Variants in CECR2 observed in about 807,000 individuals in gnomAD.
CECR2 encodes the protein chromatin remodeling regulator CECR2.
A neutral mutation model predicts 154.5 loss-of-function variants in CECR2; 30 were observed. The observed-to-expected ratio is 0.19, with a 90% confidence interval of 0.15 to 0.26. The LOEUF is 0.26. Ranked by LOEUF, CECR2 falls within the 10% of genes least tolerant of loss-of-function variation. The pLI is 1.00. For missense variants in CECR2, 1,743 were observed against 1,829.3 expected (o/e 0.95, Z 0.86); for synonymous variants, 725 against 683.7 (o/e 1.06, Z -0.94).
At chr22:17,442,717 T>A (rs1243100693) in intron 1 of CECR2, among the ~76,000 whole-genome samples, 1 of 151,942 alleles carries the variant, frequency 6.6e-6, no homozygotes, top group South Asian at 2.1e-4. Flanking sequence ...CCTGGCTAAT[T>A]TTTGTATTTT....
intron 1 of CECR2, chr22:17,424,299 G>C (rs1196893380): frequency 1.3e-5 from 2 of 154,684 alleles, no homozygotes; most frequent in Admixed American, 6.5e-5. Flanking sequence ...GGGTTGGAGT[G>C]AGTAGGGATT....
chr22:17,501,666 T>C (rs1257536176), intron 5 of CECR2, among the ~76,000 whole-genome samples: 1 of 152,232 alleles, frequency 6.6e-6, no homozygotes, highest in Non-Finnish European at 1.5e-5. Flanking sequence ...TTCTTGCTTA[T>C]CCGTTTCTGT....
chr22:17,541,361 C>T (rs2056519788), intron 14 of CECR2, among the ~76,000 whole-genome samples: 1 of 152,128 alleles, frequency 6.6e-6, no homozygotes. Flanking sequence ...AAAAGAATTG[C>T]TTGAACCCAG....
intron 1 of CECR2, among the ~76,000 whole-genome samples, chr22:17,418,129 C>G (rs981120858): frequency 4.6e-5 from 7 of 152,080 alleles, no homozygotes; most frequent in African/African-American, 1.7e-4. Flanking sequence ...ATTTTCATTC[C>G]CCAAGAAAGT....
At chr22:17,529,654 C>A (rs959502345) in intron 9 of CECR2, among the ~76,000 whole-genome samples, 30 of 151,008 alleles carry the variant, frequency 2.0e-4, no homozygotes, top group Non-Finnish European at 4.4e-5. Context: ...GAGCCGAGAT[C>A]GCCCCACCGC....
At chr22:17,445,137 A>G (rs1000363350) in intron 1 of CECR2, among the ~76,000 whole-genome samples, 1 of 152,240 alleles carries the variant, frequency 6.6e-6, no homozygotes, top group Admixed American at 6.5e-5. Context: ...ATATTAAGTT[A>G]TAAGTCTAAT....
chr22:17,385,322 T>C (rs1198078820), intron 1 of CECR2, among the ~76,000 whole-genome samples: 1 of 152,244 alleles, frequency 6.6e-6, no homozygotes, highest in African/African-American at 2.4e-5. Context: ...GCCTTCTTCA[T>C]GAAGCTTAAT....
At chr22:17,502,531 C>T (rs1416945539) in intron 5 of CECR2, among the ~76,000 whole-genome samples, 4 of 152,148 alleles carry the variant, frequency 2.6e-5, no homozygotes, top group Non-Finnish European at 5.9e-5. Context: ...TGGCTGGGCA[C>T]GGTGGCTCAC....
chr22:17,432,614 C>T (rs140309441), intron 1 of CECR2, among the ~76,000 whole-genome samples: 34 of 152,318 alleles, frequency 2.2e-4, no homozygotes, highest in Middle Eastern at 3.4e-3. Flanking sequence ...AGTGTTTCCA[C>T]ATCCTCGCCA....
intron 1 of CECR2, among the ~76,000 whole-genome samples, chr22:17,372,149 G>C (rs2063068784): frequency 6.6e-6 from 1 of 152,130 alleles, no homozygotes; most frequent in African/African-American, 2.4e-5. Flanking sequence ...TGAATATTTG[G>C]CTTCAAACAT....
intron 1 of CECR2, among the ~76,000 whole-genome samples, chr22:17,378,275 G>C (rs2063143808): frequency 1.4e-5 from 2 of 147,536 alleles, no homozygotes; most frequent in Non-Finnish European, 3.0e-5. Flanking sequence ...GAGCCACCGC[G>C]CTGGGCTGTT....
intron 1 of CECR2, among the ~76,000 whole-genome samples, chr22:17,440,015 G>A (rs1009239256): frequency 3.3e-5 from 5 of 151,166 alleles, no homozygotes; most frequent in East Asian, 1.9e-4. Flanking sequence ...AAAGGCCTAC[G>A]CCCATACATT....
At position 17,556,891 on chromosome 22, in the gene CECR2, C is replaced by G. The variant is rs983092231; in HGVS notation, c.*4051C>G. The G allele has an allele frequency of 1.7e-4, 26 of 152,260 alleles. No individual in the cohort carries two copies. The highest frequency in any genetic ancestry group is 5.3e-4 in the African/African-American group (22 of 41,456). 9.4% of individuals were successfully genotyped at this position (152,260 alleles called of 1,614,324 possible). ...TGGGGTGTGGTGTGTCCACCAGTGA[C>G]TCTCCGGACACTAGCTTCAGTAAGG... On this transcript the variant is annotated 3_prime_UTR_variant, in exon 19 of 19. Transcript: ENST00000262608.
chr22:17,441,219 G>A (rs1008638014), intron 1 of CECR2, among the ~76,000 whole-genome samples: 1 of 152,142 alleles, frequency 6.6e-6, no homozygotes, highest in Non-Finnish European at 1.5e-5. Context: ...AAAAGTGCTG[G>A]GATTACAGGC....
chr22:17,545,390 A>AAAG (rs1352841624), intron 16 of CECR2, among the ~76,000 whole-genome samples: 2,308 of 149,792 alleles, frequency 0.015, 103 homozygotes, highest in African/African-American at 0.056. Flanking sequence ...AAAAAAAAAA[A>AAAG]AAAAAAAGAA....
intron 1 of CECR2, among the ~76,000 whole-genome samples, chr22:17,399,770 A>G (rs2053865233): frequency 6.6e-6 from 1 of 152,170 alleles, no homozygotes; most frequent in African/African-American, 2.4e-5. Context: ...CTATACCATG[A>G]GTGTAAAATT....
chr22:17,389,850 A>T (rs1435059547), intron 1 of CECR2, among the ~76,000 whole-genome samples: 1 of 151,098 alleles, frequency 6.6e-6, no homozygotes, highest in African/African-American at 2.4e-5. Context: ...CTGGTCTTGA[A>T]CTCCTGACCT....
rs539218282 is a variant in CECR2, at chr22:17,402,947, G to A, written c.126+33038G>A. On this transcript the variant is annotated intron_variant, in intron 1 of 18. Transcript: ENST00000262608. ...TAATTTTGTATTTTTAGTAGAGACGGGGTTTCTCCATGTTGAGGCTGGTCT... is the reference window on the plus strand; with the variant it reads ...TAATTTTGTATTTTTAGTAGAGACGAGGTTTCTCCATGTTGAGGCTGGTCT... Among the ~76,000 whole-genome samples, 8 of 152,096 alleles carry A rather than the reference G, an allele frequency of 5.3e-5. No individual in the cohort carries two copies. In the South Asian group the frequency reaches 1.7e-3, roughly 32 times the overall value.
At chr22:17,420,228 C>T (rs1455446754) in intron 1 of CECR2, among the ~76,000 whole-genome samples, 1 of 152,194 alleles carries the variant, frequency 6.6e-6, no homozygotes, top group Non-Finnish European at 1.5e-5. Flanking sequence ...AAGTAATCTC[C>T]TATCCTTTGG....
Sources: allele counts gnomAD v4.1 joint callset (sites outside exome capture counted in the v4.1 genomes callset), GRCh38; gene constraint gnomAD v4.1.1; transcripts MANE v1.5; gene names NCBI Gene and HGNC (gene_info 2026-07-23, HGNC 2026-07-21).